Variants in RBFOX1 observed in about 807,000 individuals in gnomAD.
RBFOX1 encodes RNA binding fox-1 homolog 1.
RBFOX1 carries 8 observed loss-of-function variants against 57.7 expected under a neutral mutation model. That is an observed-to-expected ratio of 0.14 (90% CI 0.08 to 0.25). RBFOX1 has a LOEUF of 0.25. Among genes scored for constraint, RBFOX1 ranks in the 10% least tolerant of loss-of-function variants. The pLI, the probability that RBFOX1 is intolerant of heterozygous loss-of-function variation, is 1.00. For missense variants in RBFOX1, 611 were observed against 548.5 expected, an observed-to-expected ratio of 1.11 and a Z score of -1.14; for synonymous variants, 326 against 222.4, an observed-to-expected ratio of 1.47 and a Z score of -4.15.
At chr16:7,478,564 G>A (rs2063212930) in intron 4 of RBFOX1, among the ~76,000 whole-genome samples, 1 of 152,158 alleles carries the variant, frequency 6.6e-6, no homozygotes, top group Non-Finnish European at 1.5e-5. Context: ...TTGATGCTGG[G>A]CATTGGCACA....
exon 3 of RBFOX1, chr16:5,599,345 G>A (rs1478702292): frequency 1.1e-5 from 7 of 611,814 alleles, no homozygotes. Flanking sequence ...TGTCTTCCTA[G>A]TAAGGACAGG....
At chr16:5,243,733 C>G (rs771231113) in intron 1 of RBFOX1, among the ~76,000 whole-genome samples, 36 of 152,076 alleles carry the variant, frequency 2.4e-4, no homozygotes, top group Non-Finnish European at 7.3e-5. Context: ...CCCTGCTGTA[C>G]CCTTTATGAG....
chr16:6,799,869 G>T (rs965991084), intron 3 of RBFOX1, among the ~76,000 whole-genome samples: 2 of 152,050 alleles, frequency 1.3e-5, no homozygotes, highest in Admixed American at 6.6e-5. Context: ...TTAAGGTTTC[G>T]GGACTCGGAG....
chr16:7,337,678 T>TTTTG (rs998452043), intron 4 of RBFOX1, among the ~76,000 whole-genome samples: 11 of 152,210 alleles, frequency 7.2e-5, no homozygotes, highest in South Asian at 4.2e-4. Context: ...TTGTGTTTGT[T>TTTTG]TTTGTTTGTT....
At chr16:5,936,428 G>A (rs761068748) in intron 4 of RBFOX1, among the ~76,000 whole-genome samples, 1 of 152,142 alleles carries the variant, frequency 6.6e-6, no homozygotes, top group Non-Finnish European at 1.5e-5. Context: ...CTGGCCATTA[G>A]GGAGGAATTT....
At position 5,946,921 on chromosome 16, in the gene RBFOX1, T is replaced by C. The variant is rs889562222; in HGVS notation, c.351+79586T>C. ...GAGTGGAGAAACAGAGTTTTCTCTG[T>C]TAGAAGAAAGGCCAGAGCAGTGGCT... is the stretch of plus-strand genomic sequence containing the variant. On this transcript the variant is annotated intron_variant, in intron 4 of 19. Transcript: ENST00000641259. The surrounding 1 kb of genome is among the most constrained non-coding windows in gnomAD (Gnocchi z 4.6). 6.6e-6 allele frequency among the ~76,000 whole-genome samples: 1 copy of C among 152,094 alleles called. No homozygotes were observed. Among genetic ancestry groups the C allele is most frequent in the Non-Finnish European group, 1.5e-5 (1 of 68,016 alleles).
At chr16:5,905,841 C>A (rs566874252) in intron 4 of RBFOX1, among the ~76,000 whole-genome samples, 1 of 152,208 alleles carries the variant, frequency 6.6e-6, no homozygotes, top group Admixed American at 6.5e-5. Context: ...CAAAGTGATA[C>A]ACTCCCCAAA....
At chr16:5,898,109 C>T (rs1370943465) in intron 4 of RBFOX1, among the ~76,000 whole-genome samples, 1 of 152,108 alleles carries the variant, frequency 6.6e-6, no homozygotes, top group Non-Finnish European at 1.5e-5. Context: ...ACCTGTCCTT[C>T]TTCACATGAT....
chr16:6,861,815 G>A (rs928542596), intron 3 of RBFOX1, among the ~76,000 whole-genome samples: 5 of 127,310 alleles, frequency 3.9e-5, no homozygotes, highest in Admixed American at 8.5e-5. Flanking sequence ...CCTAGCCAGC[G>A]TCCCTTGGTT....
chr16:5,865,263 G>C (rs2057319331), intron 3 of RBFOX1, among the ~76,000 whole-genome samples: 1 of 152,138 alleles, frequency 6.6e-6, no homozygotes, highest in Non-Finnish European at 1.5e-5. Flanking sequence ...AGATAATGTA[G>C]CCCAGGGATC....
chr16:5,265,387 C>T (rs562844115), intron 1 of RBFOX1, among the ~76,000 whole-genome samples: 1 of 152,312 alleles, frequency 6.6e-6, no homozygotes, highest in South Asian at 2.1e-4. Context: ...ATACTTGAAC[C>T]CCTTAGATAT....
chr16:6,690,345 C>T (rs2060027155), intron 3 of RBFOX1, among the ~76,000 whole-genome samples: 1 of 151,932 alleles, frequency 6.6e-6, no homozygotes, highest in Non-Finnish European at 1.5e-5. Context: ...ATGCAATATA[C>T]GTTTCTAGAA....
intron 3 of RBFOX1, among the ~76,000 whole-genome samples, chr16:5,861,582 G>C (rs1455203837): frequency 6.6e-6 from 1 of 152,154 alleles, no homozygotes; most frequent in Non-Finnish European, 1.5e-5. Flanking sequence ...TATGCATTTG[G>C]TTCTATTTGC....
chr16:6,540,637 A>C (rs1003646595), intron 2 of RBFOX1, among the ~76,000 whole-genome samples: 8 of 125,226 alleles, frequency 6.4e-5, no homozygotes, highest in African/African-American at 2.3e-4. Context: ...AAAAAAAAAA[A>C]ACCTCAAGTC....
chr16:5,985,644 C>T (rs2060271274), intron 4 of RBFOX1, among the ~76,000 whole-genome samples: 1 of 152,168 alleles, frequency 6.6e-6, no homozygotes. Context: ...TTTTCTGGGA[C>T]ATTCCTAGTA....
intron 4 of RBFOX1, among the ~76,000 whole-genome samples, chr16:7,372,103 G>C (rs2097577038): frequency 6.6e-6 from 1 of 152,032 alleles, no homozygotes; most frequent in African/African-American, 2.4e-5. Flanking sequence ...GTGATTGTTG[G>C]GTCCAAAAGT....
chr16:6,109,478 A>G (rs2096419107), intron 1 of RBFOX1, among the ~76,000 whole-genome samples: 1 of 152,158 alleles, frequency 6.6e-6, no homozygotes, highest in East Asian at 1.9e-4. Context: ...TTCACTCATG[A>G]GGCATAATAT....
At chr16:7,113,418 T>C (rs1313073184) in intron 4 of RBFOX1, among the ~76,000 whole-genome samples, 3 of 152,198 alleles carry the variant, frequency 2.0e-5, no homozygotes, top group Non-Finnish European at 4.4e-5. Flanking sequence ...TTCTTTCTCA[T>C]CTACTTGCCA....
At chr16:6,311,140 C>CA (rs199688557) in intron 1 of RBFOX1, among the ~76,000 whole-genome samples, 3,116 of 151,468 alleles carry the variant, frequency 0.021, 43 homozygotes, top group Non-Finnish European at 0.032. Flanking sequence ...ACTAAAAATA[C>CA]AAAAAATTAG....
Sources: gnomAD v4.1 joint callset for allele counts (sites outside exome capture counted in the v4.1 genomes callset) on GRCh38, gnomAD v4.1.1 for gene constraint, Gnocchi (gnomAD v3.1) non-coding constraint, MANE v1.5 for transcripts, NCBI Gene and HGNC (gene_info 2026-07-23, HGNC 2026-07-21) for gene names.